The following PIBF1 variants were observed in gnomAD, a reference collection of about 807,000 sequenced individuals.
The protein encoded by PIBF1 is progesterone immunomodulatory binding factor 1.
PIBF1 carries 90 observed loss-of-function variants against 112.5 expected under a neutral mutation model. The ratio of observed to expected loss-of-function variants is 0.80; its 90% CI spans 0.67 to 0.95. PIBF1 has a LOEUF of 0.95. PIBF1 is among the 40% of genes least tolerant of loss of function. The probability of loss-of-function intolerance (pLI) is 0.00; values close to 1 mark genes in which losing one functional copy is unlikely to be tolerated. For synonymous variants in PIBF1, 301 were observed against 288.6 expected (o/e 1.04, Z -0.44); for missense variants, 915 against 852.3 (o/e 1.07, Z -0.92).
chr13:72,793,546 C>T (rs1435410782), intron 3 of PIBF1, among the ~76,000 whole-genome samples: 1 of 152,164 alleles, frequency 6.6e-6, no homozygotes, highest in South Asian at 2.1e-4. Context: ...AGAAACAATA[C>T]TTTGAGAACC....
At chr13:72,899,912 G>A (rs137857430) in intron 11 of PIBF1, among the ~76,000 whole-genome samples, 56 of 152,176 alleles carry the variant, frequency 3.7e-4, no homozygotes, top group African/African-American at 6.5e-4. Flanking sequence ...CAAAGTTTCC[G>A]GATACAAGAT....
chr13:72,861,143 A>G (rs927894206), intron 10 of PIBF1, among the ~76,000 whole-genome samples: 2 of 152,106 alleles, frequency 1.3e-5, no homozygotes, highest in Non-Finnish European at 2.9e-5. Flanking sequence ...TTAAAAAAAT[A>G]TATTCTATGC....
intron 14 of PIBF1, among the ~76,000 whole-genome samples, chr13:72,958,689 A>G (rs2042523132): frequency 6.6e-6 from 1 of 152,196 alleles, no homozygotes; most frequent in African/African-American, 2.4e-5. Flanking sequence ...ACAGAGTTTC[A>G]CCAATATTTT....
chr13:72,876,857 T>C (rs1442282093), intron 10 of PIBF1, among the ~76,000 whole-genome samples: 1 of 152,196 alleles, frequency 6.6e-6, no homozygotes. Flanking sequence ...AACAGTCATA[T>C]CATCTGCATA....
At chr13:72,850,071 A>G (rs2038059581) in intron 9 of PIBF1, among the ~76,000 whole-genome samples, 1 of 152,232 alleles carries the variant, frequency 6.6e-6, no homozygotes, top group Non-Finnish European at 1.5e-5. Context: ...TAAATAAAGT[A>G]TCTATTTCTT....
intron 17 of PIBF1, among the ~76,000 whole-genome samples, chr13:73,006,846 C>A (rs2044046792): frequency 6.6e-6 from 1 of 152,032 alleles, no homozygotes; most frequent in Non-Finnish European, 1.5e-5. Context: ...CCAAAATCAC[C>A]TTGTAACATA....
At chr13:72,849,270 G>A (rs1384620628) in intron 9 of PIBF1, among the ~76,000 whole-genome samples, 1 of 152,090 alleles carries the variant, frequency 6.6e-6, no homozygotes, top group African/African-American at 2.4e-5. Context: ...TCAGATTTTT[G>A]TATTTTAAAA....
intron 14 of PIBF1, among the ~76,000 whole-genome samples, chr13:72,943,146 T>C (rs574576767): frequency 6.6e-6 from 1 of 152,282 alleles, no homozygotes; most frequent in African/African-American, 2.4e-5. Context: ...TTCATCAGCC[T>C]ATCAAAAGTC....
intron 14 of PIBF1, among the ~76,000 whole-genome samples, chr13:72,957,687 A>G (rs148491486): frequency 3.5e-4 from 54 of 152,240 alleles, no homozygotes; most frequent in African/African-American, 1.3e-3. Context: ...ATAAAATTCT[A>G]AGCCCAGCTA....
At position 72,792,545 on chromosome 13, in the gene PIBF1, C is replaced by G; in HGVS notation, c.351C>G (p.Ala117=). 1 of 1,474,182 alleles carries G rather than the reference C, an allele frequency of 6.8e-7. No homozygotes were observed. The allele number at this position is 1,474,182 out of a possible 1,614,324, so 91.3% of individuals were successfully genotyped here. The change falls in exon 3 of 18, where the codon GCC becomes GCG. Residue 117 remains alanine (A), a splice_region_variant and synonymous_variant. Coordinates refer to ENST00000326291, the MANE Select transcript of PIBF1 (RefSeq NM_006346.4). ...AATTGGCTTTTCAACAGAAAGATGCCAGGTAAGAAAAGTTTTTTTTAAAAA... is the reference window on the plus strand; with the variant it reads ...AATTGGCTTTTCAACAGAAAGATGCGAGGTAAGAAAAGTTTTTTTTAAAAA... ...DNQLAFQQKD[A]SKYQELMKQE... is the part of the protein sequence containing the mutation.
chr13:72,974,388 T>C (rs956039317), intron 16 of PIBF1: 2 of 152,182 alleles, frequency 1.3e-5, no homozygotes, highest in African/African-American at 4.8e-5. Flanking sequence ...CCCAGCCCTA[T>C]CAACCACGGG....
chr13:72,943,129 A>C (rs1041832767), intron 14 of PIBF1, among the ~76,000 whole-genome samples: 1 of 152,210 alleles, frequency 6.6e-6, no homozygotes, highest in Non-Finnish European at 1.5e-5. Context: ...TAGCAAGTGA[A>C]CTTTAATTCA....
At chr13:72,981,610 T>C (rs576342541) in intron 16 of PIBF1, among the ~76,000 whole-genome samples, 1 of 152,342 alleles carries the variant, frequency 6.6e-6, no homozygotes, top group African/African-American at 2.4e-5. Context: ...GTCAGTGTTT[T>C]GAGAAAAATG....
intron 5 of PIBF1, among the ~76,000 whole-genome samples, chr13:72,809,579 T>C (rs897686240): frequency 1.7e-5 from 2 of 118,692 alleles, no homozygotes; most frequent in African/African-American, 5.2e-5. Context: ...TAATAGAAGG[T>C]TTTTTTTTGG....
chr13:72,910,412 T>C (rs760045564), intron 12 of PIBF1, among the ~76,000 whole-genome samples: 55 of 152,176 alleles, frequency 3.6e-4, no homozygotes, highest in Non-Finnish European at 7.6e-4. Flanking sequence ...GTTTTGAAAG[T>C]TTCATACTCT....
chr13:72,941,127 G>A (rs1231872474), intron 14 of PIBF1, among the ~76,000 whole-genome samples: 1 of 152,228 alleles, frequency 6.6e-6, no homozygotes, highest in Non-Finnish European at 1.5e-5. Flanking sequence ...AACTAAGGCA[G>A]TCATAGAGTT....
chr13:72,927,990 C>CATATATATAT (rs1198692717), intron 13 of PIBF1, among the ~76,000 whole-genome samples: 13 of 80,826 alleles, frequency 1.6e-4, no homozygotes, highest in Admixed American at 3.3e-4. Context: ...TATATATATA[C>CATATATATAT]ACACACATAT....
intron 14 of PIBF1, among the ~76,000 whole-genome samples, chr13:72,933,704 A>G (rs1186853912): frequency 6.6e-6 from 1 of 152,206 alleles, no homozygotes; most frequent in Non-Finnish European, 1.5e-5. Flanking sequence ...ACACACGTCT[A>G]TAAATTGTTG....
chr13:72,835,577 A>G (rs1421491480), intron 9 of PIBF1, among the ~76,000 whole-genome samples: 1 of 108,252 alleles, frequency 9.2e-6, no homozygotes, highest in Non-Finnish European at 1.8e-5. Context: ...TTGCTCTGTT[A>G]TTCCTGTTAT....
Sources: gnomAD v4.1 joint callset for allele counts (sites outside exome capture counted in the v4.1 genomes callset) on GRCh38, gnomAD v4.1.1 for gene constraint, MANE v1.5 for transcripts, NCBI Gene and HGNC (gene_info 2026-07-23, HGNC 2026-07-21) for gene names.